The following PCBP3 variants were observed in gnomAD, a reference collection of about 807,000 sequenced individuals.
PCBP3 encodes the protein poly(rC) binding protein 3.
PCBP3 carries 25 observed loss-of-function variants against 52.7 expected under a neutral mutation model. That is an observed-to-expected ratio of 0.47 (90% confidence interval 0.35 to 0.66). The LOEUF (loss-of-function observed/expected upper bound fraction) is 0.66, where lower values mean the gene tolerates loss of function less well. PCBP3 is among the 30% of genes least tolerant of loss of function. PCBP3 has a pLI of 0.01. For missense variants in PCBP3, 391 were observed against 490.3 expected (o/e 0.80, Z 1.91); for synonymous variants, 162 against 183.0 (o/e 0.89, Z 0.93).
intron 2 of PCBP3, among the ~76,000 whole-genome samples, chr21:45,681,940 T>A (rs1448102786): frequency 1.3e-5 from 2 of 151,994 alleles, no homozygotes; most frequent in Non-Finnish European, 2.9e-5. Flanking sequence ...ATAACAGATA[T>A]AATATAGACC....
At chr21:45,925,157 C>T (rs1229505486) in intron 13 of PCBP3, among the ~76,000 whole-genome samples, 25 of 129,916 alleles carry the variant, frequency 1.9e-4, no homozygotes, top group African/African-American at 5.9e-4. Context: ...ATGCGAACAC[C>T]AGGAACAGTC....
chr21:45,824,423 C>G (rs1327361858), intron 4 of PCBP3, among the ~76,000 whole-genome samples: 1 of 152,204 alleles, frequency 6.6e-6, no homozygotes, highest in Non-Finnish European at 1.5e-5. Flanking sequence ...GAAGCCACAT[C>G]CCAGAATTCC....
chr21:45,703,058 C>T (rs542600764), intron 2 of PCBP3, among the ~76,000 whole-genome samples: 1 of 152,212 alleles, frequency 6.6e-6, no homozygotes, highest in Admixed American at 6.5e-5. Context: ...TGCAGCAATT[C>T]AGTCACATCT....
chr21:45,857,173 A>G (rs116940860), intron 5 of PCBP3, among the ~76,000 whole-genome samples: 2,761 of 152,300 alleles, frequency 0.018, 47 homozygotes, highest in Non-Finnish European at 0.027. Context: ...TACAGATGCA[A>G]ATGTTCCCCC....
At position 45,788,012 on chromosome 21, in the gene PCBP3, G is replaced by A. The variant is rs1228562020; in HGVS notation, c.-126+32560G>A. 6.6e-6 allele frequency among the ~76,000 whole-genome samples: 1 copy of A among 152,090 alleles called. No homozygotes were observed. The highest frequency in any genetic ancestry group is 1.5e-5 in the Non-Finnish European group (1 of 68,010). Reference sequence around the variant, plus strand: ...GGGGAGACCTACGGGGGAAGATGGGGGCACCTACAGTTGCAAGGTGGGCAC... The same window carrying A: ...GGGGAGACCTACGGGGGAAGATGGGAGCACCTACAGTTGCAAGGTGGGCAC... On this transcript the variant is annotated intron_variant, in intron 4 of 17. Transcript: ENST00000681687. This position sits in a 1 kb window ranked among gnomAD's most constrained non-coding sequence, Gnocchi z 4.3.
intron 5 of PCBP3, among the ~76,000 whole-genome samples, chr21:45,885,771 A>G (rs994055076): frequency 6.6e-6 from 1 of 151,788 alleles, no homozygotes; most frequent in Non-Finnish European, 1.5e-5. Flanking sequence ...CTGTTTTCTC[A>G]TTTGTTTAAA....
chr21:45,787,838 T>A (rs2091266313), intron 4 of PCBP3, among the ~76,000 whole-genome samples: 1 of 152,228 alleles, frequency 6.6e-6, no homozygotes, highest in Non-Finnish European at 1.5e-5. Context: ...AAAAAGGTAT[T>A]TCTGCTATAA....
intron 2 of PCBP3, among the ~76,000 whole-genome samples, chr21:45,695,898 G>T (rs2082736402): frequency 1.3e-5 from 2 of 151,848 alleles, no homozygotes; most frequent in South Asian, 4.2e-4. Context: ...GGCCAACATG[G>T]TGAAATCCCG....
chr21:45,739,604 C>T (rs146825156), intron 3 of PCBP3, among the ~76,000 whole-genome samples: 5,498 of 47,980 alleles, frequency 0.11, 290 homozygotes, highest in African/African-American at 0.21. Flanking sequence ...CCATCTTCAT[C>T]AGCCCACCCC....
chr21:45,878,275 C>G (rs995058696), intron 5 of PCBP3, among the ~76,000 whole-genome samples: 7 of 152,252 alleles, frequency 4.6e-5, no homozygotes, highest in Non-Finnish European at 1.0e-4. Context: ...TTTCCCATCC[C>G]TGCCCTCCGG....
At chr21:45,822,227 C>T (rs1251700555) in intron 4 of PCBP3, among the ~76,000 whole-genome samples, 1 of 152,186 alleles carries the variant, frequency 6.6e-6, no homozygotes. Flanking sequence ...CACCGTCATC[C>T]TGGGAGCCAT....
At chr21:45,841,672 A>T (rs556044209) in intron 4 of PCBP3, among the ~76,000 whole-genome samples, 52 of 152,302 alleles carry the variant, frequency 3.4e-4, no homozygotes, top group Non-Finnish European at 5.1e-4. Context: ...TAGTGTTCTC[A>T]TACGGGATTT....
chr21:45,920,637 C>G (rs370216411), intron 13 of PCBP3, among the ~76,000 whole-genome samples: 2 of 152,070 alleles, frequency 1.3e-5, no homozygotes, highest in African/African-American at 4.8e-5. Flanking sequence ...GGGTCATGAG[C>G]GCTCCACCCT....
rs954615769 is a variant in PCBP3 at position 45,880,672 on chromosome 21, C to T, written c.11-15536C>T. Among the ~76,000 whole-genome samples the T allele has an allele frequency of 1.3e-5, 2 of 152,096 alleles. No homozygotes were observed. The highest frequency in any genetic ancestry group is 4.8e-5 in the African/African-American group (2 of 41,402). ...GAGACACGTGTGCCCTCTGCCCTCTCGGTGCCAGGGTGGCCCCAGGTGACT... is the reference window on the plus strand; with the variant it reads ...GAGACACGTGTGCCCTCTGCCCTCTTGGTGCCAGGGTGGCCCCAGGTGACT... On this transcript the variant is annotated intron_variant, in intron 5 of 17. Transcript: ENST00000681687. This position sits in a 1 kb window ranked among gnomAD's most constrained non-coding sequence, Gnocchi z 5.4.
At chr21:45,739,392 ATC>A (rs2086210664) in intron 3 of PCBP3, among the ~76,000 whole-genome samples, 1 of 72,318 alleles carries the variant, frequency 1.4e-5, no homozygotes, top group Non-Finnish European at 2.5e-5. Flanking sequence ...CCCCATCTTC[ATC>A]AGCCCACCAC....
Position 45,837,216 on chromosome 21 carries a change from G to C in PCBP3, c.-125-12745G>C, listed in dbSNP as rs2093609633. Among the ~76,000 whole-genome samples, 1 of 152,232 alleles carries C rather than the reference G, an allele frequency of 6.6e-6. No homozygotes were observed. Among genetic ancestry groups the C allele is most frequent in the African/African-American group, 2.4e-5 (1 of 41,456 alleles). Reference sequence around the variant, plus strand: ...CATTCTGAATGTTTGCCAATGCAGTGAATGTAAATAACGTTTCACTGTGGT... The same window carrying C: ...CATTCTGAATGTTTGCCAATGCAGTCAATGTAAATAACGTTTCACTGTGGT... On this transcript the variant is annotated intron_variant, in intron 4 of 17. Transcript: ENST00000681687. The surrounding 1 kb of genome is among the most constrained non-coding windows in gnomAD (Gnocchi z 4.1).
rs1206025765 is a variant in PCBP3 at position 45,837,236 on chromosome 21, T to C, written c.-125-12725T>C. On this transcript the variant is annotated intron_variant, in intron 4 of 17. Transcript: ENST00000681687. This position sits in a 1 kb window ranked among gnomAD's most constrained non-coding sequence, Gnocchi z 4.1. ...GCAGTGAATGTAAATAACGTTTCAC[T>C]GTGGTCTGTATCTCCCGTTCCACAT... Among the ~76,000 whole-genome samples the C allele has an allele frequency of 6.6e-6, 1 of 152,264 alleles. No individual in the cohort carries two copies. Among genetic ancestry groups the C allele is most frequent in the East Asian group, 1.9e-4 (1 of 5,200 alleles).
rs1253977551 is a variant in PCBP3, at chr21:45,868,029, T to C, written c.10+17934T>C. On this transcript the variant is annotated intron_variant, in intron 5 of 17. Coordinates refer to ENST00000681687, the MANE Select transcript of PCBP3 (RefSeq NM_001384156.1). The stretch of plus-strand genomic sequence containing the variant: ...ACAGGAGGCTGGCAGCCAGGGGGTC[T>C]GGCACCTCACTCGGAGGCGCAGTGG... Among the ~76,000 whole-genome samples, 3 of 152,276 alleles carry C rather than the reference T, an allele frequency of 2.0e-5. No individual in the cohort carries two copies. The East Asian group carries it at 5.8e-4, about 29-fold the overall frequency.
At chr21:45,897,944 T>G (rs1486708118) in intron 6 of PCBP3, among the ~76,000 whole-genome samples, 2 of 152,182 alleles carry the variant, frequency 1.3e-5, no homozygotes, top group Non-Finnish European at 1.5e-5. Flanking sequence ...CCAGTATCTG[T>G]GCGTGGCCTC....
Sources: allele counts gnomAD v4.1 joint callset (sites outside exome capture counted in the v4.1 genomes callset), GRCh38; gene constraint gnomAD v4.1.1; non-coding constraint Gnocchi (gnomAD v3.1); transcripts MANE v1.5; gene names NCBI Gene and HGNC (gene_info 2026-07-23, HGNC 2026-07-21).